Variants in SEC16A observed in about 807,000 individuals in gnomAD.
The protein encoded by SEC16A is SEC16 homolog A, endoplasmic reticulum export factor.
In SEC16A, 110 loss-of-function variants were observed where a neutral mutation model predicts 221.9. That is an observed-to-expected ratio of 0.50 (90% CI 0.42 to 0.58). SEC16A has a LOEUF of 0.58. SEC16A is among the 20% of genes least tolerant of loss of function. The probability of loss-of-function intolerance (pLI) is 0.00; values close to 1 mark genes in which losing one functional copy is unlikely to be tolerated. For missense variants in SEC16A, 3,165 were observed against 3,097.8 expected, an observed-to-expected ratio of 1.02 and a Z score of -0.52; for synonymous variants, 1,393 against 1,257.7, an observed-to-expected ratio of 1.11 and a Z score of -2.28.
Position 136,466,491 on chromosome 9 carries a change from G to A in SEC16A, c.3930-29C>T, listed in dbSNP as rs375040828. 1.8e-4 allele frequency: 285 copies of A among 1,567,116 alleles called. No homozygotes were observed. Among genetic ancestry groups the A allele is most frequent in the Non-Finnish European group, 2.4e-4 (277 of 1,153,828 alleles). Reference sequence around the variant, plus strand: ...GAGGAAGCCGGGGGACAGAGGCAGAGGAATGGGAGTGCCGGAGGCCCCGTC... The same window carrying A: ...GAGGAAGCCGGGGGACAGAGGCAGAAGAATGGGAGTGCCGGAGGCCCCGTC... On this transcript the variant is annotated intron_variant, in intron 6 of 31. Transcript: ENST00000684901. This position sits in a 1 kb window ranked among gnomAD's most constrained non-coding sequence, Gnocchi z 5.5.
Position 136,447,248 on chromosome 9 carries a change from T to A in SEC16A, c.6676A>T (p.Asn2226Tyr). 7 of 1,596,526 alleles carry A rather than the reference T, an allele frequency of 4.4e-6. No individual in the cohort carries two copies. Among genetic ancestry groups the A allele is most frequent in the South Asian group, 1.1e-5 (1 of 87,944 alleles). Reference protein sequence around the residue: ...APLAPLPIPSNLFVPTPDAEE... With the variant: ...APLAPLPIPSYLFVPTPDAEE... Reference sequence around the variant, plus strand: ...CTACCTGGGGTTGGCACGAACAAGTTAGAAGGAATTGGGAGTGGCGCGAGT... The same window carrying A: ...CTACCTGGGGTTGGCACGAACAAGTAAGAAGGAATTGGGAGTGGCGCGAGT... The change falls in exon 27 of 32, where the codon AAC becomes TAC. Residue 2226 changes from asparagine (N) to tyrosine (Y), a missense_variant. Coordinates refer to ENST00000684901, the MANE Select transcript of SEC16A (RefSeq NM_014866.2). The surrounding 1 kb of genome is among the most constrained non-coding windows in gnomAD (Gnocchi z 5.5).
intron 4 of SEC16A, among the ~76,000 whole-genome samples, chr9:136,468,856 C>CT (rs914547184): frequency 1.5e-4 from 23 of 151,480 alleles, no homozygotes; most frequent in African/African-American, 4.9e-4. Flanking sequence ...ACTGAGCTTT[C>CT]TTTTTTTTTC....
chr9:136,468,672 CTG>C (rs1275278748), intron 4 of SEC16A, among the ~76,000 whole-genome samples, 160 bp from the exon 5 acceptor site: 1 of 152,236 alleles, frequency 6.6e-6, no homozygotes, highest in Non-Finnish European at 1.5e-5. Context: ...AAGGATGAGA[CTG>C]TGGAATTTCC....
chr9:136,463,102 G>A lies in SEC16A; in HGVS notation c.4678C>T (p.Leu1560=). Residue 1560 remains leucine (L), a synonymous_variant, in exon 12 of 32, where the codon CTG becomes TTG. Transcript: ENST00000684901. ...CACACTGTTCTGTGGTCTCGTAACA[G>A]AAGCTCCGCAATGTCGGTCCCTACC... The part of the protein sequence containing the change: ...TVVGTDIAEL[L]LRDHRTVWLP... 6.2e-7 allele frequency: 1 copy of A among 1,611,638 alleles called. No homozygotes were observed. The highest frequency in any genetic ancestry group is 1.3e-5 in the African/African-American group (1 of 75,070).
At chr9:136,480,323 A>T (rs1388515680) in intron 1 of SEC16A, among the ~76,000 whole-genome samples, 1 of 152,136 alleles carries the variant, frequency 6.6e-6, no homozygotes, top group Non-Finnish European at 1.5e-5. Flanking sequence ...CTCTCAAGAC[A>T]TGGCCTTCCC....
At chr9:136,453,936 G>A (rs1227337396) in intron 21 of SEC16A, among the ~76,000 whole-genome samples, 173 bp downstream of exon 21, 2 of 152,254 alleles carry the variant, frequency 1.3e-5, no homozygotes, top group Non-Finnish European at 2.9e-5. Flanking sequence ...CACTGCTGTT[G>A]TAGTGAGACT....
At position 136,475,987 on chromosome 9, in the gene SEC16A, A is replaced by G. The variant is rs1232555717; in HGVS notation, c.1629T>C (p.Val543=). The G allele has an allele frequency of 6.2e-7, 1 of 1,613,334 alleles. No individual in the cohort carries two copies. Among genetic ancestry groups the G allele is most frequent in the East Asian group, 2.2e-5 (1 of 44,876 alleles). ...LSGSARPQEL[V]GTFIQQEVGK... Reference sequence around the variant, plus strand: ...CAACTTCTTGCTGAATGAATGTGCCAACCAGCTCCTGGGGCCTGGCTGAGC... The same window carrying G: ...CAACTTCTTGCTGAATGAATGTGCCGACCAGCTCCTGGGGCCTGGCTGAGC... The change falls in exon 3 of 32, where the codon GTT becomes GTC. Residue 543 remains valine, a synonymous_variant. Transcript: ENST00000684901. This position sits in a 1 kb window ranked among gnomAD's most constrained non-coding sequence, Gnocchi z 5.0.
chr9:136,483,915 G>T, upstream of SEC16A: 1 of 489,482 alleles, frequency 2.0e-6, no homozygotes, highest in Non-Finnish European at 2.7e-6. Context: ...GCCGGAAGTT[G>T]GTCGATGGCT....
At chr9:136,448,030 C>A (rs534424822) in intron 24 of SEC16A, 54 bp downstream of exon 24, 388 of 1,563,916 alleles carry the variant, frequency 2.5e-4, no homozygotes, top group Admixed American at 7.8e-4. Context: ...CTGAAAGTGA[C>A]AGAAAAATCA....
intron 29 of SEC16A, 129 bp from the exon 30 acceptor site, chr9:136,445,240 A>G (rs569441890): frequency 1.2e-5 from 9 of 777,890 alleles, no homozygotes; most frequent in Admixed American, 4.9e-5. Context: ...CTCAAAAGGG[A>G]AAAAAAAGCC....
Position 136,447,519 on chromosome 9 carries a change from C to A in SEC16A, c.6559+50G>T. On this transcript the variant is annotated intron_variant, in intron 26 of 31. Transcript: ENST00000684901. The surrounding 1 kb of genome is among the most constrained non-coding windows in gnomAD (Gnocchi z 5.5). Reference sequence around the variant, plus strand: ...AACAGCTACACATTGGCCTCTCTCTCTGGGACAGTTAATCGTTCAAGCAAG... The same window carrying A: ...AACAGCTACACATTGGCCTCTCTCTATGGGACAGTTAATCGTTCAAGCAAG... 1 of 1,558,608 alleles carries A rather than the reference C, an allele frequency of 6.4e-7. No individual in the cohort carries two copies.
Position 136,471,985 on chromosome 9 carries a change from G to A in SEC16A, c.3694C>T (p.Pro1232Ser). The A allele has an allele frequency of 6.2e-7, 1 of 1,611,950 alleles. No homozygotes were observed. Among genetic ancestry groups the A allele is most frequent in the Non-Finnish European group, 8.5e-7 (1 of 1,179,820 alleles). The part of the protein sequence containing the change: ...SSRASHSSER[P>S]PPRQGYPEGY... ...TGGGCGCGGCCGCACCTGGGAGGTG[G>A]CCGTTCCGAGGAGTGGCTGGCTCGG... Residue 1232 changes from proline to serine, a missense_variant, in exon 4 of 32, where the codon CCA (proline) becomes TCA (serine). Physicochemically the swap from Pro to Ser is moderately conservative, Grantham distance 74 (BLOSUM62 -1). Transcript: ENST00000684901.
intron 28 of SEC16A, 102 bp downstream of exon 28, chr9:136,446,753 A>G (rs1161449336): frequency 1.7e-6 from 2 of 1,200,606 alleles, no homozygotes; most frequent in Non-Finnish European, 2.3e-6. Context: ...CACTCTACGT[A>G]CACATTGGAT....
chr9:136,461,322 C>A (rs191419876), intron 12 of SEC16A, 48 bp from the exon 13 acceptor site: 5 of 1,396,770 alleles, frequency 3.6e-6, no homozygotes, highest in Middle Eastern at 1.8e-4. Flanking sequence ...GCGGCGCTCA[C>A]GTGACATGAG....
At chr9:136,477,829 C>G in intron 2 of SEC16A, 145 bp from the exon 3 acceptor site, 1 of 795,890 alleles carries the variant, frequency 1.3e-6, no homozygotes, top group Non-Finnish European at 1.9e-6. Flanking sequence ...TACACCCCAC[C>G]CCAGCAGAGA....
Position 136,474,965 on chromosome 9 carries a change from G to A in SEC16A, c.2651C>T (p.Ser884Phe), listed in dbSNP as rs1169404613. The A allele has an allele frequency of 6.2e-7, 1 of 1,613,816 alleles. No individual in the cohort carries two copies. Among genetic ancestry groups the A allele is most frequent in the Non-Finnish European group, 8.5e-7 (1 of 1,179,866 alleles). The change falls in exon 3 of 32, where the codon TCT becomes TTT. Residue 884 changes from serine (S) to phenylalanine (F), a missense_variant. Coordinates refer to ENST00000684901, the MANE Select transcript of SEC16A (RefSeq NM_014866.2). ...AGAGCTGGTTGGAATCCCAGACAAA[G>A]AAGTGTTCTCCCCAGAATCACCACC... ...ALGGDSGENTSLSGIPTSSVL... is the reference protein window; with the variant it reads ...ALGGDSGENTFLSGIPTSSVL...
In SEC16A at chr9:136,460,000, AG is replaced by A; in HGVS notation, c.5073+41del. ...CGTCACCCACGAGCAAACTCCACAC[AG>A]GCAGTGGAGCCTGTGCAAGCCACCA... On this transcript the variant is annotated intron_variant, in intron 14 of 31. Coordinates refer to ENST00000684901, the MANE Select transcript of SEC16A (RefSeq NM_014866.2). This position sits in a 1 kb window ranked among gnomAD's most constrained non-coding sequence, Gnocchi z 6.1. 6.4e-7 allele frequency: 1 copy of A among 1,562,292 alleles called. No homozygotes were observed. Among genetic ancestry groups the A allele is most frequent in the Non-Finnish European group, 8.7e-7 (1 of 1,146,396 alleles).
rs770627684 is a variant in SEC16A, at chr9:136,447,885, G to A, written c.6415C>T (p.Gln2139Ter). Reference sequence around the variant, plus strand: ...TCTGGCTCATTTAAATTCACCCACTGGTTTTTCTTTTCATCCCAAACAATC... The same window carrying A: ...TCTGGCTCATTTAAATTCACCCACTAGTTTTTCTTTTCATCCCAAACAATC... ...KSIVWDEKKN[Q>*]WVNLNEPEEE... The change falls in exon 25 of 32, where the codon CAG becomes TAG. Residue 2139 changes from glutamine to a stop codon, truncating the protein, a stop_gained. Coordinates refer to ENST00000684901, the MANE Select transcript of SEC16A (RefSeq NM_014866.2). LOFTEE classifies it high-confidence loss of function. This position sits in a 1 kb window ranked among gnomAD's most constrained non-coding sequence, Gnocchi z 5.5. The A allele has an allele frequency of 1.2e-6, 2 of 1,609,594 alleles. No homozygotes were observed. The highest frequency in any genetic ancestry group is 1.7e-6 in the Non-Finnish European group (2 of 1,177,672).
rs370443315 is a variant in SEC16A at position 136,442,638 on chromosome 9, G to A, written c.7006-815C>T. On this transcript the variant is annotated intron_variant, in intron 31 of 31. Coordinates refer to ENST00000684901, the MANE Select transcript of SEC16A (RefSeq NM_014866.2). ...AAACATTCTAGAACACTCCCCAGCT[G>A]AAGGGCATGCAGTCAGGCCCAAGGG... Among the ~76,000 whole-genome samples, 44 of 152,376 alleles carry A rather than the reference G, an allele frequency of 2.9e-4. No individual in the cohort carries two copies. In the East Asian group the frequency reaches 4.8e-3, roughly 17 times the overall value.
Sources: gnomAD v4.1 joint callset for allele counts (sites outside exome capture counted in the v4.1 genomes callset) on GRCh38, gnomAD v4.1.1 for gene constraint, Gnocchi (gnomAD v3.1) non-coding constraint, MANE v1.5 for transcripts, NCBI Gene and HGNC (gene_info 2026-07-23, HGNC 2026-07-21) for gene names.